MELTF: variants seen among roughly 807,000 people sequenced by gnomAD.
MELTF encodes the protein melanotransferrin.
Under a neutral mutation model 83.7 loss-of-function variants are expected in MELTF, and 67 were observed. The observed-to-expected ratio is 0.80, with a 90% CI of 0.66 to 0.98. MELTF has a LOEUF of 0.98. Among genes scored for constraint, MELTF ranks in the 50% least tolerant of loss-of-function variants. The pLI is 0.00. For synonymous variants in MELTF, 462 were observed against 447.6 expected, an observed-to-expected ratio of 1.03 and a Z score of -0.41; for missense variants, 1,002 against 1,035.6, an observed-to-expected ratio of 0.97 and a Z score of 0.44.
chr3:197,019,501 G>T, intron 6 of MELTF: 2 of 1,498,142 alleles, frequency 1.3e-6, no homozygotes, highest in Non-Finnish European at 1.8e-6. Context: ...TACTCAGGAG[G>T]CTGAGATGCG....
intron 6 of MELTF, among the ~76,000 whole-genome samples, chr3:197,018,697 G>A (rs780931993): frequency 3.7e-4 from 57 of 152,100 alleles, no homozygotes; most frequent in Non-Finnish European, 7.2e-4. Flanking sequence ...TGCCAGCCTC[G>A]GCCTCCCAAA....
intron 10 of MELTF, 102 bp downstream of exon 10, chr3:197,010,596 G>C: frequency 2.1e-6 from 2 of 965,118 alleles, no homozygotes; most frequent in African/African-American, 1.6e-5. Context: ...CCCCAGGAGA[G>C]AGGCATGGAG....
At chr3:197,004,239 A>G (rs1234785517) in intron 14 of MELTF, 140 bp from the exon 15 acceptor site, 16 of 811,400 alleles carry the variant, frequency 2.0e-5, no homozygotes, top group Non-Finnish European at 3.1e-5. Context: ...TCTGATTGGA[A>G]GTCATAAGCT....
At chr3:197,010,008 G>T (rs1577929586) in intron 10 of MELTF, among the ~76,000 whole-genome samples, 196 bp from the exon 11 acceptor site, 1 of 152,248 alleles carries the variant, frequency 6.6e-6, no homozygotes. Context: ...CCTGTGAGAA[G>T]CAGCCTCTTG....
At chr3:197,018,353 G>A (rs1719486538) in intron 6 of MELTF, among the ~76,000 whole-genome samples, 2 of 151,760 alleles carry the variant, frequency 1.3e-5, no homozygotes, top group South Asian at 4.1e-4. Context: ...GGGTTTTACT[G>A]TGTTAGCCAG....
chr3:197,017,279 G>A lies in MELTF; in HGVS notation c.724C>T (p.Pro242Ser). Residue 242 changes from proline to serine, a missense_variant, in exon 7 of 16, where the codon CCC (proline) becomes TCC (serine). Physicochemically the swap from Pro to Ser is moderately conservative, Grantham distance 74 (BLOSUM62 -1). Transcript: ENST00000296350. ...GACAGCAGGGCCTGGCCCCAGGAGG[G>A]AAGCGTCTTCCCTGGGAAGCAGGAA... ...VLENTDGKTL[P>S]SWGQALLSQD... The A allele has an allele frequency of 6.4e-7, 1 of 1,555,618 alleles. No individual in the cohort carries two copies. Among genetic ancestry groups the A allele is most frequent in the East Asian group, 2.3e-5 (1 of 43,054 alleles).
intron 4 of MELTF, chr3:197,023,974 G>A (rs1035484366): frequency 3.9e-5 from 22 of 560,900 alleles, no homozygotes; most frequent in Middle Eastern, 5.4e-4. Context: ...AGTGACCTGC[G>A]CCCGGTCTAT....
rs767621350 is a variant in MELTF at position 197,009,816 on chromosome 3, G to C, written c.1331-4C>G. On this transcript the variant is annotated splice_region_variant and splice_polypyrimidine_tract_variant and intron_variant, in intron 10 of 15. Coordinates refer to ENST00000296350, the MANE Select transcript of MELTF (RefSeq NM_005929.6). The stretch of plus-strand genomic sequence containing the variant: ...TACGAGTTGCTGCTGTCTTCCGCTG[G>C]GGAGAGAGGGACTCACGTGAGGGGC... 13 of 1,605,436 alleles carry C rather than the reference G, an allele frequency of 8.1e-6. No individual in the cohort carries two copies. The highest frequency in any genetic ancestry group is 1.0e-5 in the Non-Finnish European group (12 of 1,173,758).
intron 6 of MELTF, chr3:197,021,163 G>A (rs552992863): frequency 2.9e-5 from 15 of 526,188 alleles, no homozygotes; most frequent in East Asian, 1.3e-4. Flanking sequence ...AGAGCTGCTC[G>A]CTGGCCCCCT....
chr3:197,003,166 T>G lies in MELTF; in HGVS notation c.*206A>C, dbSNP rs1718815089. The G allele has an allele frequency of 3.1e-5, 12 of 389,818 alleles. No homozygotes were observed. Among genetic ancestry groups the G allele is most frequent in the East Asian group, 1.6e-4 (1 of 6,254 alleles). 24.1% of individuals were successfully genotyped at this position (389,818 alleles called of 1,614,324 possible). A position where few individuals can be genotyped will look rare whatever the true frequency, so the allele number is the denominator to read the frequency against. ...GGCTCCAGGTGGCGGGAGGCGGCGG[T>G]TGGCGGGAAGGGCCGCGCGGGCCCG... On this transcript the variant is annotated 3_prime_UTR_variant, in exon 16 of 16. Coordinates refer to ENST00000296350, the MANE Select transcript of MELTF (RefSeq NM_005929.6). The surrounding 1 kb of genome is among the most constrained non-coding windows in gnomAD (Gnocchi z 6.2).
chr3:197,014,751 A>G (rs955152627), intron 9 of MELTF, among the ~76,000 whole-genome samples: 1 of 152,200 alleles, frequency 6.6e-6, no homozygotes, highest in African/African-American at 2.4e-5. Context: ...AGAGTTAACA[A>G]TAATACATAG....
In MELTF at chr3:197,029,811, T is replaced by G; in HGVS notation, c.-109A>C. 1 of 772,270 alleles carries G rather than the reference T, an allele frequency of 1.3e-6. No individual in the cohort carries two copies. The highest frequency in any genetic ancestry group is 3.4e-5 in the East Asian group (1 of 29,098). 47.8% of individuals were successfully genotyped at this position (772,270 alleles called of 1,614,324 possible). On this transcript the variant is annotated 5_prime_UTR_variant, in exon 1 of 16. Transcript: ENST00000296350. This position sits in a 1 kb window ranked among gnomAD's most constrained non-coding sequence, Gnocchi z 6.5. ...CCCCCTCGCGCTGGCCCGAGCTCCT[T>G]AAGTGCGGCCGCGAGTTCCCGGGCG...
At chr3:197,014,744 G>A (rs1719300106) in intron 9 of MELTF, among the ~76,000 whole-genome samples, 1 of 152,142 alleles carries the variant, frequency 6.6e-6, no homozygotes, top group Admixed American at 6.6e-5. Flanking sequence ...GATGACTAGA[G>A]TTAACAATAA....
intron 6 of MELTF, among the ~76,000 whole-genome samples, chr3:197,020,235 A>C (rs1392371929): frequency 6.6e-6 from 1 of 152,386 alleles, no homozygotes; most frequent in East Asian, 1.9e-4. Context: ...AAAGAGATCT[A>C]ACAACTAAAC....
chr3:197,004,335 G>A, intron 14 of MELTF: 1 of 558,802 alleles, frequency 1.8e-6, no homozygotes, highest in Non-Finnish European at 3.2e-6. Context: ...CAGAAGCACT[G>A]CGGTGCTCCA....
In MELTF at chr3:197,016,143, G is replaced by T. The variant is rs146516751; in HGVS notation, c.1081+46C>A. On this transcript the variant is annotated intron_variant, in intron 8 of 15. Coordinates refer to ENST00000296350, the MANE Select transcript of MELTF (RefSeq NM_005929.6). The stretch of plus-strand genomic sequence containing the variant: ...CCCAGAGAGCCTCGCCATGCCCGAG[G>T]TTGAGCTGGGCTGGAGCTGGCAGCA... 2.2e-3 allele frequency: 3,262 copies of T among 1,451,684 alleles called. 46 individuals carry two copies. In the East Asian group the frequency reaches 0.028, roughly 13 times the overall value. 89.9% of individuals were successfully genotyped at this position (1,451,684 alleles called of 1,614,324 possible).
In MELTF at chr3:197,003,476, G is replaced by T; in HGVS notation, c.2138-25C>A. 1 of 1,022,950 alleles carries T rather than the reference G, an allele frequency of 9.8e-7. No homozygotes were observed. Among genetic ancestry groups the T allele is most frequent in the Non-Finnish European group, 1.2e-6 (1 of 864,166 alleles). 63.4% of individuals were successfully genotyped at this position (1,022,950 alleles called of 1,614,324 possible). ...GCTGGGGACGAACGCGGCGGGTCAGGCCCCGAAGCCCGGGCCGCGGTGGCC... is the reference window on the plus strand; with the variant it reads ...GCTGGGGACGAACGCGGCGGGTCAGTCCCCGAAGCCCGGGCCGCGGTGGCC... On this transcript the variant is annotated intron_variant, in intron 15 of 15. Transcript: ENST00000296350. The surrounding 1 kb of genome is among the most constrained non-coding windows in gnomAD (Gnocchi z 6.2).
rs557114820 is a variant in MELTF, at chr3:197,007,277, C to T, written c.1751-541G>A. ...CTTATTCAGGAGGTCTCAGATCAGG[C>T]TCAAGAATCTGCATGTTAAACCAGC... On this transcript the variant is annotated intron_variant, in intron 13 of 15. Coordinates refer to ENST00000296350, the MANE Select transcript of MELTF (RefSeq NM_005929.6). This position sits in a 1 kb window ranked among gnomAD's most constrained non-coding sequence, Gnocchi z 4.3. Among the ~76,000 whole-genome samples, 2 of 152,280 alleles carry T rather than the reference C, an allele frequency of 1.3e-5. No individual in the cohort carries two copies. Among genetic ancestry groups the T allele is most frequent in the South Asian group, 4.1e-4 (2 of 4,828 alleles).
chr3:197,027,619 C>G (rs560318122), intron 2 of MELTF, 137 bp downstream of exon 2: 29 of 1,176,992 alleles, frequency 2.5e-5, no homozygotes, highest in South Asian at 3.4e-5. Flanking sequence ...GGCCTCGTGG[C>G]CAGGGAGACT....
Sources: allele counts gnomAD v4.1 joint callset (sites outside exome capture counted in the v4.1 genomes callset), GRCh38; gene constraint gnomAD v4.1.1; non-coding constraint Gnocchi (gnomAD v3.1); transcripts MANE v1.5; gene names NCBI Gene and HGNC (gene_info 2026-07-23, HGNC 2026-07-21).